TTLL7: variants seen among roughly 807,000 people sequenced by gnomAD.
TTLL7 encodes tubulin tyrosine ligase like 7, also known as tubulin polyglutamylase TTLL7.
Under a neutral mutation model 120.2 loss-of-function variants are expected in TTLL7, and 53 were observed. The observed-to-expected ratio is 0.44, with a 90% CI of 0.35 to 0.55. The LOEUF (loss-of-function observed/expected upper bound fraction) is 0.55. Ranked by LOEUF, TTLL7 falls within the 20% of genes least tolerant of loss-of-function variation. TTLL7 has a pLI of 0.00. For synonymous variants in TTLL7, 353 were observed against 351.7 expected (o/e 1.00, Z -0.04); for missense variants, 803 against 1,054.7 (o/e 0.76, Z 3.31).
intron 16 of TTLL7, 79 bp from the exon 17 acceptor site, chr1:83,906,542 T>C: frequency 1.9e-6 from 3 of 1,590,588 alleles, no homozygotes; most frequent in Non-Finnish European, 2.6e-6. Context: ...TATTTCTAGG[T>C]AAAAATGATG....
At chr1:83,912,041 G>A (rs1657721419) in intron 14 of TTLL7, among the ~76,000 whole-genome samples, 1 of 152,156 alleles carries the variant, frequency 6.6e-6, no homozygotes, top group South Asian at 2.1e-4. Context: ...TTTCCAAACT[G>A]CTCAAGAACA....
chr1:83,989,939 AT>A (rs201466112), intron 1 of TTLL7, among the ~76,000 whole-genome samples: 3 of 150,340 alleles, frequency 2.0e-5, no homozygotes, highest in South Asian at 2.1e-4. Flanking sequence ...GATGTTGGGG[AT>A]TTTTTTTTGT....
chr1:83,906,230 T>C (rs566317885), intron 17 of TTLL7, 99 bp downstream of exon 17: 3 of 988,854 alleles, frequency 3.0e-6, no homozygotes, highest in South Asian at 2.9e-5. Context: ...AAATTTACTA[T>C]GTCACTGAGC....
At chr1:83,926,229 A>T (rs973873804) in intron 10 of TTLL7, among the ~76,000 whole-genome samples, 5 of 152,152 alleles carry the variant, frequency 3.3e-5, no homozygotes. Context: ...GAGGAACATG[A>T]TCGAAGGAGA....
rs772299189 is a variant in TTLL7, at chr1:83,942,443, CTCTG to C, written c.723+16_723+19del. 5.1e-6 allele frequency: 8 copies of C among 1,569,442 alleles called. No homozygotes were observed. The highest frequency in any genetic ancestry group is 7.0e-6 in the Non-Finnish European group (8 of 1,140,240). ...GTTGACAAATGAATGAAAAGATAAG[CTCTG>C]TCTGGTATCACTTACCAAATTGGAC... is the stretch of plus-strand genomic sequence containing the variant. On this transcript the variant is annotated intron_variant, in intron 7 of 20. Coordinates refer to ENST00000260505, the MANE Select transcript of TTLL7 (RefSeq NM_024686.6).
At chr1:83,981,167 A>T (rs1651915928) in intron 1 of TTLL7, 1 of 152,142 alleles carries the variant, frequency 6.6e-6, no homozygotes, top group Non-Finnish European at 1.5e-5. Flanking sequence ...CAACAACTAC[A>T]CACATAAATG....
chr1:83,991,377 G>A (rs1223038453), intron 1 of TTLL7, among the ~76,000 whole-genome samples: 1 of 152,160 alleles, frequency 6.6e-6, no homozygotes. Flanking sequence ...CAGGCATGGT[G>A]GTTCACACCT....
At position 83,911,410 on chromosome 1, in the gene TTLL7, GT is replaced by G. The variant is rs749449115; in HGVS notation, c.1588-48del. The G allele has an allele frequency of 3.6e-5, 53 of 1,464,376 alleles. No homozygotes were observed. In the South Asian group the frequency reaches 6.5e-4, roughly 18 times the overall value. 90.7% of individuals were successfully genotyped at this position (1,464,376 alleles called of 1,614,324 possible). On this transcript the variant is annotated intron_variant, in intron 14 of 20. Coordinates refer to ENST00000260505, the MANE Select transcript of TTLL7 (RefSeq NM_024686.6). ...TATTTTGTTAGAATTCTTAAAAAAG[GT>G]TTATTGATATGATTAGTTACTATTT...
At chr1:83,928,954 A>G (rs1178160667) in intron 10 of TTLL7, among the ~76,000 whole-genome samples, 182 bp downstream of exon 10, 1 of 151,998 alleles carries the variant, frequency 6.6e-6, no homozygotes, top group Non-Finnish European at 1.5e-5. Context: ...GGAATCAAGA[A>G]ATGAAAAATA....
chr1:83,921,211 A>G (rs1399165017), intron 11 of TTLL7, 36 bp downstream of exon 11: 10 of 1,609,712 alleles, frequency 6.2e-6, no homozygotes, highest in African/African-American at 2.7e-5. Flanking sequence ...GAATTATGCA[A>G]TTTAAATTGT....
intron 1 of TTLL7, among the ~76,000 whole-genome samples, chr1:83,978,499 A>C (rs1441398290): frequency 2.0e-5 from 3 of 152,216 alleles, no homozygotes; most frequent in Non-Finnish European, 4.4e-5. Context: ...TACATATTGA[A>C]AAGAATGATC....
chr1:83,954,488 A>G (rs1649333106), intron 1 of TTLL7, among the ~76,000 whole-genome samples: 1 of 152,210 alleles, frequency 6.6e-6, no homozygotes, highest in African/African-American at 2.4e-5. Flanking sequence ...CTCATTTGAA[A>G]CCATAGTTAC....
intron 8 of TTLL7, among the ~76,000 whole-genome samples, chr1:83,935,824 T>C (rs961198195): frequency 3.3e-5 from 5 of 152,302 alleles, no homozygotes; most frequent in African/African-American, 1.2e-4. Context: ...TATTATCCCA[T>C]TGATTCACCT....
chr1:83,945,789 AT>A (rs1229753152), intron 6 of TTLL7, among the ~76,000 whole-genome samples: 2 of 151,944 alleles, frequency 1.3e-5, no homozygotes, highest in Non-Finnish European at 2.9e-5. Context: ...TAACATTAAA[AT>A]TGAGAAAAAT....
chr1:83,998,935 G>A lies in TTLL7; in HGVS notation c.-181C>T. 1 of 414,540 alleles carries A rather than the reference G, an allele frequency of 2.4e-6. No homozygotes were observed. The highest frequency in any genetic ancestry group is 1.7e-5 in the South Asian group (1 of 59,022). 25.7% of individuals were successfully genotyped at this position (414,540 alleles called of 1,614,324 possible). Reference sequence around the variant, plus strand: ...ATGGCGGCAGCAGGTACTCACCCGGGTGAGGAAAGCCCAGCCCGGGTCCTC... The same window carrying A: ...ATGGCGGCAGCAGGTACTCACCCGGATGAGGAAAGCCCAGCCCGGGTCCTC... On this transcript the variant is annotated 5_prime_UTR_variant, in exon 1 of 21. Coordinates refer to ENST00000260505, the MANE Select transcript of TTLL7 (RefSeq NM_024686.6).
chr1:83,898,464 CT>C (rs1656436547), intron 18 of TTLL7, among the ~76,000 whole-genome samples: 1 of 151,992 alleles, frequency 6.6e-6, no homozygotes, highest in Non-Finnish European at 1.5e-5. Context: ...ATAGGCAATA[CT>C]GAACTCAAGT....
rs566842188 is a variant in TTLL7, at chr1:83,905,570, TA to T, written c.2127+758del. On this transcript the variant is annotated intron_variant, in intron 17 of 20. Transcript: ENST00000260505. Reference sequence around the variant, plus strand: ...TACATAATTTATAAAATTATATCTGTAAAAAAAAAAATGGCCCAAAATATAT... The same window carrying T: ...TACATAATTTATAAAATTATATCTGTAAAAAAAAAATGGCCCAAAATATAT... 5.4e-3 allele frequency among the ~76,000 whole-genome samples: 773 copies of T among 143,780 alleles called. 7 individuals carry two copies. The highest frequency in any genetic ancestry group is 0.02 in the South Asian group (92 of 4,634). 94.3% of individuals were successfully genotyped at this position (143,780 alleles called of 152,430 possible).
intron 6 of TTLL7, among the ~76,000 whole-genome samples, chr1:83,943,543 T>C (rs745358005): frequency 1.3e-5 from 2 of 152,198 alleles, no homozygotes; most frequent in Admixed American, 6.5e-5. Context: ...TTGTTCTGTT[T>C]AAGGAAATCT....
intron 18 of TTLL7, among the ~76,000 whole-genome samples, chr1:83,892,887 GAGAGAA>G (rs1228825770): frequency 9.0e-5 from 10 of 110,600 alleles, no homozygotes; most frequent in African/African-American, 3.7e-4. Flanking sequence ...AGAGCAAAAA[GAGAGAA>G]AGAGAAAGAA....
Sources: gnomAD v4.1 joint callset for allele counts (sites outside exome capture counted in the v4.1 genomes callset) on GRCh38, gnomAD v4.1.1 for gene constraint, MANE v1.5 for transcripts, NCBI Gene and HGNC (gene_info 2026-07-23, HGNC 2026-07-21) for gene names.